SYTL5: variants seen among roughly 807,000 people sequenced by gnomAD.
The protein encoded by SYTL5 is synaptotagmin-like protein 5.
SYTL5 carries 34 observed loss-of-function variants against 55.9 expected under a neutral mutation model. The ratio of observed to expected loss-of-function variants is 0.61; its 90% CI spans 0.46 to 0.81. SYTL5 has a LOEUF of 0.81. SYTL5 is among the 30% of genes least tolerant of loss of function. The pLI is 0.00. For synonymous variants in SYTL5, 221 were observed against 188.7 expected (o/e 1.17, Z -1.40); for missense variants, 637 against 546.7 (o/e 1.17, Z -1.65).
At chrX:38,072,230 T>G in intron 4 of SYTL5, 68 bp downstream of exon 4, 1 of 820,006 alleles carries the variant, frequency 1.2e-6, no homozygotes, top group Non-Finnish European at 1.8e-6. Flanking sequence ...ATAACTTCTC[T>G]ATGTTATGTA....
intron 2 of SYTL5, among the ~76,000 whole-genome samples, chrX:38,048,133 C>A (rs1165353129): frequency 1.8e-5 from 2 of 110,112 alleles, no homozygotes; most frequent in Non-Finnish European, 3.8e-5. Flanking sequence ...TTGCAGTGAG[C>A]TGAGATCACG....
At chrX:38,019,494 A>G (rs1934470220) in intron 1 of SYTL5, among the ~76,000 whole-genome samples, 2 of 111,833 alleles carry the variant, frequency 1.8e-5, no homozygotes, top group African/African-American at 6.5e-5. Flanking sequence ...GGGATTTATG[A>G]AACTGTGATT....
Position 38,033,824 on chromosome X carries a change from T to A in SYTL5, c.-66T>A, listed in dbSNP as rs1018177901. On this transcript the variant is annotated 5_prime_UTR_variant, in exon 2 of 17. It adds an upstream start codon to the 5' untranslated region. Coordinates refer to ENST00000297875, the MANE Select transcript of SYTL5 (RefSeq NM_138780.3). ...TCTGAATTGGTTGGGGGAATCTTAG[T>A]TGTAGATATCAATTCACCTTCTTGA... 7 of 605,744 alleles carry A rather than the reference T, an allele frequency of 1.2e-5. No individual in the cohort carries two copies. The East Asian group carries it at 2.4e-4, about 20-fold the overall frequency. 49.9% of individuals were successfully genotyped at this position (605,744 alleles called of 1,213,427 possible).
At chrX:37,928,365 C>T in the SYTL5 span, among the ~76,000 whole-genome samples, 1 of 111,975 alleles carries the variant, frequency 8.9e-6, no homozygotes, top group Non-Finnish European at 1.9e-5. Flanking sequence ...CACCGGGGGT[C>T]AGCAAGCTAC....
the SYTL5 span, among the ~76,000 whole-genome samples, chrX:37,981,236 G>C: frequency 8.9e-6 from 1 of 112,212 alleles, no homozygotes; most frequent in Non-Finnish European, 1.9e-5. Flanking sequence ...ACTGTAAGCC[G>C]ACTGCTTTGC....
the SYTL5 span, among the ~76,000 whole-genome samples, chrX:37,985,124 A>T: frequency 8.9e-6 from 1 of 111,956 alleles, no homozygotes; most frequent in African/African-American, 3.2e-5. Context: ...GGTTCTACCC[A>T]GGGTAGTTAA....
At chrX:37,936,337 C>T in the SYTL5 span, among the ~76,000 whole-genome samples, 1 of 112,058 alleles carries the variant, frequency 8.9e-6, no homozygotes, top group African/African-American at 3.2e-5. Flanking sequence ...TTCACATTAT[C>T]TTGTTCTAGT....
chrX:38,028,115 C>T (rs143543444), intron 1 of SYTL5, among the ~76,000 whole-genome samples: 1,163 of 111,776 alleles, frequency 0.01, 7 homozygotes, highest in Middle Eastern at 0.041. Context: ...TGAGCCACTG[C>T]GCCCAGCCAA....
chrX:38,006,022 T>C (rs1181347194), upstream of SYTL5, among the ~76,000 whole-genome samples: 1 of 112,210 alleles, frequency 8.9e-6, no homozygotes, highest in Non-Finnish European at 1.9e-5. Context: ...CTAAAAGTCA[T>C]ACATACATAG....
chrX:38,052,906 T>A (rs1935663513), intron 2 of SYTL5, among the ~76,000 whole-genome samples: 1 of 112,289 alleles, frequency 8.9e-6, no homozygotes, highest in South Asian at 3.7e-4. Context: ...GGAACCTGTC[T>A]TCTGGAGCAG....
chrX:37,893,799 T>G, the SYTL5 span, among the ~76,000 whole-genome samples: 293 of 90,812 alleles, frequency 3.2e-3, 9 homozygotes, highest in African/African-American at 0.012. Context: ...GATTAGTATA[T>G]ATAATCTATA....
the SYTL5 span, among the ~76,000 whole-genome samples, chrX:37,916,634 C>T: frequency 8.9e-6 from 1 of 112,225 alleles, no homozygotes; most frequent in African/African-American, 3.2e-5. Context: ...ACAATACCTA[C>T]TGGTTGAATG....
intron 3 of SYTL5, among the ~76,000 whole-genome samples, chrX:38,057,941 A>G (rs1197377309): frequency 9.0e-6 from 1 of 111,079 alleles, no homozygotes; most frequent in African/African-American, 3.3e-5. Flanking sequence ...AGAAATCTCT[A>G]CTTTTTAGTA....
intron 9 of SYTL5, among the ~76,000 whole-genome samples, chrX:38,096,664 C>T (rs1936946625): frequency 9.0e-6 from 1 of 111,267 alleles, no homozygotes; most frequent in African/African-American, 3.3e-5. Flanking sequence ...TTTCAGTGAA[C>T]TCATTTCTAG....
chrX:38,083,135 T>C (rs1432367395), intron 6 of SYTL5, among the ~76,000 whole-genome samples: 1 of 111,921 alleles, frequency 8.9e-6, no homozygotes, highest in Non-Finnish European at 1.9e-5. Context: ...CGACTTCTAA[T>C]TGACCCAAGG....
At chrX:38,027,824 C>CTTTTTT (rs111523397) in intron 1 of SYTL5, among the ~76,000 whole-genome samples, 1 of 90,804 alleles carries the variant, frequency 1.1e-5, no homozygotes, top group Non-Finnish European at 2.1e-5. Context: ...AATTCTTCTT[C>CTTTTTT]TTTTTTTTTT....
chrX:37,889,214 G>C, the SYTL5 span, among the ~76,000 whole-genome samples: 1 of 112,412 alleles, frequency 8.9e-6, no homozygotes, highest in African/African-American at 3.2e-5. Flanking sequence ...AACAGGAGCT[G>C]TAAGTGACCC....
At chrX:38,060,777 G>A (rs766080006) in intron 3 of SYTL5, among the ~76,000 whole-genome samples, 1 of 111,974 alleles carries the variant, frequency 8.9e-6, no homozygotes, top group South Asian at 3.7e-4. Flanking sequence ...GTTGTCAGAG[G>A]GTATAAGAAT....
At chrX:37,991,227 C>T in the SYTL5 span, 5 of 1,173,086 alleles carry the variant, frequency 4.3e-6, no homozygotes, top group South Asian at 9.8e-5. Flanking sequence ...GGGAACCTCA[C>T]AGGCTTAGCC....
Sources: allele counts gnomAD v4.1 joint callset (sites outside exome capture counted in the v4.1 genomes callset), GRCh38; gene constraint gnomAD v4.1.1; transcripts MANE v1.5; gene names NCBI Gene and HGNC (gene_info 2026-07-23, HGNC 2026-07-21).